The following KCNT2 variants were observed in gnomAD, a reference collection of about 807,000 sequenced individuals.
KCNT2 encodes potassium channel subfamily T member 2.
Under a neutral mutation model 153.8 loss-of-function variants are expected in KCNT2, and 67 were observed. The observed-to-expected ratio is 0.44, with a 90% CI of 0.36 to 0.53. The LOEUF is 0.53. KCNT2 is among the 20% of genes least tolerant of loss of function. The probability of loss-of-function intolerance (pLI) is 0.00; values close to 1 mark genes in which losing one functional copy is unlikely to be tolerated. For missense variants in KCNT2, 975 were observed against 1,354.8 expected, an observed-to-expected ratio of 0.72 and a Z score of 4.40; for synonymous variants, 500 against 458.8, an observed-to-expected ratio of 1.09 and a Z score of -1.15.
intron 8 of KCNT2, among the ~76,000 whole-genome samples, chr1:196,438,661 G>A (rs186414169): frequency 1.1e-4 from 17 of 151,834 alleles, no homozygotes; most frequent in African/African-American, 4.1e-4. Context: ...CTATTTCAGT[G>A]CCAGTATGTC....
chr1:196,430,650 A>C (rs554049715), intron 8 of KCNT2, among the ~76,000 whole-genome samples: 47 of 152,070 alleles, frequency 3.1e-4, no homozygotes, highest in Non-Finnish European at 5.9e-4. Flanking sequence ...ACAATTCTTA[A>C]AACAAGTCCT....
intron 1 of KCNT2, among the ~76,000 whole-genome samples, chr1:196,581,003 T>C (rs1031121272): frequency 1.3e-5 from 2 of 152,122 alleles, no homozygotes; most frequent in Non-Finnish European, 2.9e-5. Flanking sequence ...GGCAAGAACA[T>C]TTTTTAAAGA....
intron 8 of KCNT2, among the ~76,000 whole-genome samples, chr1:196,436,133 C>T (rs1441124685): frequency 6.6e-6 from 1 of 151,180 alleles, no homozygotes; most frequent in African/African-American, 2.4e-5. Context: ...ATTATATAGT[C>T]ATAGCATCAT....
intron 3 of KCNT2, among the ~76,000 whole-genome samples, chr1:196,485,238 T>C (rs969999408): frequency 3.3e-5 from 5 of 151,800 alleles, no homozygotes; most frequent in African/African-American, 7.3e-5. Context: ...TCGGTAGACA[T>C]TGAACAATGA....
chr1:196,312,842 T>C (rs973312372), intron 21 of KCNT2, among the ~76,000 whole-genome samples: 2 of 151,764 alleles, frequency 1.3e-5, no homozygotes, highest in African/African-American at 4.8e-5. Context: ...GCCCAAAGCT[T>C]TAATCCTAAA....
chr1:196,500,711 T>G (rs1680630832), intron 1 of KCNT2, among the ~76,000 whole-genome samples: 1 of 152,114 alleles, frequency 6.6e-6, no homozygotes. Flanking sequence ...AGGAATTAAT[T>G]AAACGAAAAC....
chr1:196,362,795 A>G (rs1413449401), intron 14 of KCNT2, among the ~76,000 whole-genome samples: 1 of 152,072 alleles, frequency 6.6e-6, no homozygotes, highest in African/African-American at 2.4e-5. Context: ...ATTTCACATG[A>G]TTAGAAAATG....
At chr1:196,435,114 T>C (rs1230350394) in intron 8 of KCNT2, among the ~76,000 whole-genome samples, 2 of 137,500 alleles carry the variant, frequency 1.5e-5, no homozygotes, top group Non-Finnish European at 3.1e-5. Context: ...TATTTAGCAA[T>C]AGATACTTAT....
At chr1:196,272,497 A>G (rs113774124) in intron 25 of KCNT2, among the ~76,000 whole-genome samples, 1,672 of 151,932 alleles carry the variant, frequency 0.011, 36 homozygotes, top group African/African-American at 0.036. Flanking sequence ...GTTACCCAAT[A>G]AATATTTGTA....
At chr1:196,438,554 T>A (rs1386514546) in intron 8 of KCNT2, among the ~76,000 whole-genome samples, 1 of 151,928 alleles carries the variant, frequency 6.6e-6, no homozygotes, top group Admixed American at 6.6e-5. Context: ...AGAATAGTCA[T>A]GTTGAGATTA....
At chr1:196,557,567 GA>G (rs201032595) in intron 1 of KCNT2, among the ~76,000 whole-genome samples, 28 of 146,496 alleles carry the variant, frequency 1.9e-4, no homozygotes, top group Admixed American at 1.4e-3. Flanking sequence ...ATCTCGTGTA[GA>G]AAAAAAAAAT....
In KCNT2 at chr1:196,246,821, A is replaced by G. The variant is rs552399119; in HGVS notation, c.3212-10751T>C. ...AAGAAATTAAAGTATACCACCAGAG[A>G]AAATCACCTTCTCTAACAGGAAGAT... is the stretch of plus-strand genomic sequence containing the variant. On this transcript the variant is annotated intron_variant, in intron 26 of 27. Coordinates refer to ENST00000294725, the MANE Select transcript of KCNT2 (RefSeq NM_198503.5). 2.0e-5 allele frequency among the ~76,000 whole-genome samples: 3 copies of G among 152,274 alleles called. No homozygotes were observed. In the South Asian group the frequency reaches 6.2e-4, roughly 32 times the overall value.
intron 21 of KCNT2, among the ~76,000 whole-genome samples, chr1:196,312,387 G>A (rs925871808): frequency 2.0e-5 from 3 of 151,336 alleles, no homozygotes; most frequent in Admixed American, 1.3e-4. Context: ...TGTCCCCTCC[G>A]CGAGAAAAAT....
At chr1:196,534,266 C>A (rs1310244635) in intron 1 of KCNT2, among the ~76,000 whole-genome samples, 1 of 152,116 alleles carries the variant, frequency 6.6e-6, no homozygotes, top group African/African-American at 2.4e-5. Context: ...GAGAGAAAAT[C>A]TTAAATAGCA....
chr1:196,252,736 C>G (rs1242317168), intron 26 of KCNT2, among the ~76,000 whole-genome samples: 5 of 151,378 alleles, frequency 3.3e-5, no homozygotes, highest in African/African-American at 1.2e-4. Flanking sequence ...TTTGGGAAAG[C>G]CTTTTATCAT....
intron 21 of KCNT2, among the ~76,000 whole-genome samples, chr1:196,310,683 A>G (rs1662082828): frequency 6.6e-6 from 1 of 151,924 alleles, no homozygotes; most frequent in South Asian, 2.1e-4. Context: ...AACAGAAACA[A>G]ATAAACAAAA....
At chr1:196,259,885 C>T (rs1389688598) in intron 25 of KCNT2, among the ~76,000 whole-genome samples, 1 of 151,800 alleles carries the variant, frequency 6.6e-6, no homozygotes, top group Non-Finnish European at 1.5e-5. Context: ...GTTTTTAATA[C>T]CATGGTTTAA....
At chr1:196,504,177 G>A (rs886608296) in intron 1 of KCNT2, among the ~76,000 whole-genome samples, 1 of 151,816 alleles carries the variant, frequency 6.6e-6, no homozygotes, top group African/African-American at 2.4e-5. Context: ...CTGGTGTGCT[G>A]CACCCATTAA....
intron 14 of KCNT2, among the ~76,000 whole-genome samples, chr1:196,357,866 G>A (rs1432112616): frequency 6.6e-6 from 1 of 151,832 alleles, no homozygotes; most frequent in Non-Finnish European, 1.5e-5. Flanking sequence ...TAGGCAATGG[G>A]TAGTCTTGTC....
Sources: gnomAD v4.1 joint callset for allele counts (sites outside exome capture counted in the v4.1 genomes callset) on GRCh38, gnomAD v4.1.1 for gene constraint, MANE v1.5 for transcripts, NCBI Gene and HGNC (gene_info 2026-07-23, HGNC 2026-07-21) for gene names.